Variants in FOLH1 observed in about 807,000 individuals in gnomAD.
FOLH1 encodes the protein glutamate carboxypeptidase 2.
FOLH1 carries 54 observed loss-of-function variants against 93.9 expected under a neutral mutation model. The ratio of observed to expected loss-of-function variants is 0.57; its 90% CI spans 0.46 to 0.72. The LOEUF (loss-of-function observed/expected upper bound fraction) is 0.72. Among genes scored for constraint, FOLH1 ranks in the 30% least tolerant of loss-of-function variants. The pLI, the probability that FOLH1 is intolerant of heterozygous loss-of-function variation, is 0.00. For missense variants in FOLH1, 571 were observed against 892.5 expected, an observed-to-expected ratio of 0.64 and a Z score of 4.59; for synonymous variants, 249 against 303.6, an observed-to-expected ratio of 0.82 and a Z score of 1.87.
At chr11:49,151,184 A>G (rs1856472980) in intron 17 of FOLH1, among the ~76,000 whole-genome samples, 1 of 152,220 alleles carries the variant, frequency 6.6e-6, no homozygotes, top group Non-Finnish European at 1.5e-5. Context: ...TTTGGATTTG[A>G]GCTATTTTTA....
intron 7 of FOLH1, among the ~76,000 whole-genome samples, chr11:49,181,792 A>G (rs1860767749): frequency 1.3e-5 from 2 of 152,130 alleles, no homozygotes. Flanking sequence ...CCCAAGGAAG[A>G]AAGACCAGGG....
At chr11:49,170,862 T>A (rs1859175389) in intron 11 of FOLH1, among the ~76,000 whole-genome samples, 1 of 152,228 alleles carries the variant, frequency 6.6e-6, no homozygotes, top group African/African-American at 2.4e-5. Context: ...TTTTGAAGAA[T>A]AAACTACAAT....
At position 49,188,118 on chromosome 11, in the gene FOLH1, A is replaced by C. The variant is rs528189732; in HGVS notation, c.514-1349T>G. On this transcript the variant is annotated intron_variant, in intron 4 of 18. Coordinates refer to ENST00000256999, the MANE Select transcript of FOLH1 (RefSeq NM_004476.3). ...TGGGTATGCTTGAAAGTCTTTTATT[A>C]ATCACTGTCAAATTTCCTTGAATCA... 2.2e-4 allele frequency among the ~76,000 whole-genome samples: 34 copies of C among 152,336 alleles called. No individual in the cohort carries two copies. The South Asian group carries it at 3.7e-3, about 17-fold the overall frequency.
intron 17 of FOLH1, among the ~76,000 whole-genome samples, chr11:49,150,558 T>A (rs2733996): frequency 1.3e-5 from 2 of 152,180 alleles, no homozygotes; most frequent in Non-Finnish European, 2.9e-5. Context: ...ATTTACCAAG[T>A]GATAACTAAT....
intron 10 of FOLH1, among the ~76,000 whole-genome samples, chr11:49,171,611 A>AT (rs1859304559): frequency 6.6e-6 from 1 of 152,124 alleles, no homozygotes; most frequent in Non-Finnish European, 1.5e-5. Context: ...TTCTAGATGC[A>AT]TTTGGTATTC....
intron 4 of FOLH1, 88 bp from the exon 5 acceptor site, chr11:49,186,857 G>A: frequency 1.4e-6 from 2 of 1,441,404 alleles, no homozygotes; most frequent in South Asian, 1.6e-5. Flanking sequence ...TTTTGAAAGA[G>A]GGAAGAGGTC....
Position 49,153,833 on chromosome 11 carries a change from A to G in FOLH1, c.1970+13T>C, listed in dbSNP as rs1477566916. On this transcript the variant is annotated intron_variant, in intron 17 of 18. Transcript: ENST00000256999. ...CACACATACACACATATGCACATATATGTAGAACATACTTGCTTTTGTCAA... is the reference window on the plus strand; with the variant it reads ...CACACATACACACATATGCACATATGTGTAGAACATACTTGCTTTTGTCAA... The G allele has an allele frequency of 6.4e-7, 1 of 1,568,292 alleles. No individual in the cohort carries two copies. Among genetic ancestry groups the G allele is most frequent in the Admixed American group, 1.8e-5 (1 of 56,768 alleles).
chr11:49,183,538 C>A (rs1383804642), intron 6 of FOLH1, among the ~76,000 whole-genome samples: 1 of 152,008 alleles, frequency 6.6e-6, no homozygotes, highest in Non-Finnish European at 1.5e-5. Flanking sequence ...GAAAGATGAG[C>A]ACATGCCCAC....
chr11:49,167,964 T>C (rs1351788308), intron 12 of FOLH1, among the ~76,000 whole-genome samples: 2 of 150,544 alleles, frequency 1.3e-5, no homozygotes, highest in Admixed American at 1.3e-4. Flanking sequence ...CAAGGTCTCA[T>C]GTTCCAAGTG....
At chr11:49,191,463 C>T (rs532175885) in intron 4 of FOLH1, among the ~76,000 whole-genome samples, 1 of 152,320 alleles carries the variant, frequency 6.6e-6, no homozygotes, top group African/African-American at 2.4e-5. Flanking sequence ...AACATGTGTG[C>T]TCTTTGTATT....
intron 4 of FOLH1, among the ~76,000 whole-genome samples, chr11:49,192,236 G>A (rs994710125): frequency 2.6e-5 from 4 of 152,012 alleles, no homozygotes; most frequent in African/African-American, 9.7e-5. Flanking sequence ...CATAAGTCAT[G>A]AAGTTATATC....
intron 4 of FOLH1, 184 bp downstream of exon 4, chr11:49,192,609 A>T (rs1862200724): frequency 5.2e-6 from 2 of 381,920 alleles, no homozygotes; most frequent in Non-Finnish European, 9.4e-6. Flanking sequence ...TATCTTTAAA[A>T]ATACCATTAA....
chr11:49,182,104 G>A (rs940963935), intron 7 of FOLH1, among the ~76,000 whole-genome samples: 39 of 152,064 alleles, frequency 2.6e-4, no homozygotes, highest in African/African-American at 8.7e-4. Flanking sequence ...CAAGGAGGGC[G>A]GATCACCTGC....
intron 3 of FOLH1, among the ~76,000 whole-genome samples, chr11:49,196,692 A>T (rs1422793877): frequency 1.3e-5 from 2 of 152,226 alleles, no homozygotes; most frequent in East Asian, 3.8e-4. Flanking sequence ...AATGTGTTTA[A>T]TATAAATCCA....
At chr11:49,181,475 C>G (rs556542296) in intron 7 of FOLH1, among the ~76,000 whole-genome samples, 2 of 151,904 alleles carry the variant, frequency 1.3e-5, no homozygotes, top group Admixed American at 1.3e-4. Context: ...ATTTGCTTTT[C>G]TTCACTTAAT....
At chr11:49,206,760 A>T (rs1479986928) in intron 1 of FOLH1, 5 of 1,535,796 alleles carry the variant, frequency 3.3e-6, no homozygotes, top group Non-Finnish European at 3.5e-6. Flanking sequence ...AGACAGCTAC[A>T]ATGAAACTAC....
intron 12 of FOLH1, among the ~76,000 whole-genome samples, chr11:49,167,773 C>T (rs1201863148): frequency 6.6e-6 from 1 of 151,878 alleles, no homozygotes; most frequent in Admixed American, 6.6e-5. Context: ...GATCGCTCCA[C>T]GCACTCCAAC....
intron 12 of FOLH1, among the ~76,000 whole-genome samples, chr11:49,168,551 T>C (rs1232910337): frequency 1.3e-5 from 2 of 152,180 alleles, no homozygotes; most frequent in Non-Finnish European, 2.9e-5. Context: ...GGTTTTATCC[T>C]ACCCTTTCTA....
In FOLH1 at chr11:49,177,630, T is replaced by G. The variant is rs553936842; in HGVS notation, c.921-1673A>C. On this transcript the variant is annotated intron_variant, in intron 7 of 18. Transcript: ENST00000256999. ...TTAGCAAGCTGAAAGTGCGGGAGAA[T>G]GCTGGCAGCTGTGCCAATAGTAAAG... Among the ~76,000 whole-genome samples the G allele has an allele frequency of 6.8e-4, 103 of 151,830 alleles. 1 individual carries two copies. In the South Asian group the frequency reaches 0.021, roughly 30 times the overall value.
Sources: gnomAD v4.1 joint callset for allele counts (sites outside exome capture counted in the v4.1 genomes callset) on GRCh38, gnomAD v4.1.1 for gene constraint, MANE v1.5 for transcripts, NCBI Gene and HGNC (gene_info 2026-07-23, HGNC 2026-07-21) for gene names.